PGAP6: variants seen among roughly 807,000 people sequenced by gnomAD.
The protein encoded by PGAP6 is post-GPI attachment to proteins factor 6.
PGAP6 carries 62 observed loss-of-function variants against 68.4 expected under a neutral mutation model. That is an observed-to-expected ratio of 0.91 (90% CI 0.74 to 1.12). PGAP6 has a LOEUF of 1.12. Among genes scored for constraint, PGAP6 ranks in the 50% most tolerant of loss-of-function variants. The probability of loss-of-function intolerance (pLI) is 0.00; values close to 1 mark genes in which losing one functional copy is unlikely to be tolerated. For synonymous variants in PGAP6, 575 were observed against 474.0 expected, an observed-to-expected ratio of 1.21 and a Z score of -2.77; for missense variants, 1,188 against 1,068.5, an observed-to-expected ratio of 1.11 and a Z score of -1.56.
chr16:379,730 T>C (rs2054422134), intron 1 of PGAP6, among the ~76,000 whole-genome samples: 1 of 152,148 alleles, frequency 6.6e-6, no homozygotes, highest in African/African-American at 2.4e-5. Context: ...AGAGATCTGT[T>C]CAAGGTTGTC....
chr16:376,040 G>T, intron 6 of PGAP6, 96 bp downstream of exon 6: 1 of 1,276,224 alleles, frequency 7.8e-7, no homozygotes, highest in Non-Finnish European at 1.1e-6. Context: ...TCACTGTGCC[G>T]CCTGTCCCGT....
chr16:381,614 C>G, intron 1 of PGAP6, 87 bp downstream of exon 1: 1 of 1,052,812 alleles, frequency 9.5e-7, no homozygotes, highest in South Asian at 4.5e-5. Flanking sequence ...GCCAGATGAG[C>G]GCACAGGTGC....
In PGAP6 at chr16:380,454, C is replaced by A. The variant is rs571938431; in HGVS notation, c.121+1247G>T. 1.3e-3 allele frequency among the ~76,000 whole-genome samples: 201 copies of A among 152,004 alleles called. 1 individual carries two copies. The highest frequency in any genetic ancestry group is 4.8e-3 in the African/African-American group (197 of 41,398). On this transcript the variant is annotated intron_variant, in intron 1 of 12. Coordinates refer to ENST00000431232, the MANE Select transcript of PGAP6 (RefSeq NM_021259.3). ...CGACTTCGGCTCACCGCAACCTCTG[C>A]CTCCCGGGTTCAAGCGATTCTCCTG...
chr16:377,998 C>T, intron 1 of PGAP6, 150 bp from the exon 2 acceptor site: 1 of 670,636 alleles, frequency 1.5e-6, no homozygotes. Flanking sequence ...GCAAAGGTCA[C>T]CGACACCCTC....
At chr16:374,651 GTC>G in intron 9 of PGAP6, 103 bp downstream of exon 9, 1 of 1,472,840 alleles carries the variant, frequency 6.8e-7, no homozygotes, top group Non-Finnish European at 9.2e-7. Context: ...CTCTGCAAGG[GTC>G]TCTCTCCAGC....
Position 371,980 on chromosome 16 carries a change from G to T in PGAP6, c.*7C>A, listed in dbSNP as rs367970385. The T allele has an allele frequency of 5.0e-6, 8 of 1,608,814 alleles. No homozygotes were observed. The highest frequency in any genetic ancestry group is 5.9e-6 in the Non-Finnish European group (7 of 1,177,458). Reference sequence around the variant, plus strand: ...TCATCAGAGCAGCAGCTGTCCCCAGGCCAGTGTCACGTCACTGCGTACAGT... The same window carrying T: ...TCATCAGAGCAGCAGCTGTCCCCAGTCCAGTGTCACGTCACTGCGTACAGT... On this transcript the variant is annotated 3_prime_UTR_variant, in exon 13 of 13. Transcript: ENST00000431232.
intron 1 of PGAP6, among the ~76,000 whole-genome samples, chr16:378,225 G>GCCATCGCCACCCAC (rs1567325694): frequency 1.5e-4 from 2 of 13,762 alleles, no homozygotes; most frequent in African/African-American, 2.0e-4. Context: ...TCGCCACCCT[G>GCCATCGCCACCCAC]ACTGCCATCG....
chr16:376,290 G>A lies in PGAP6; in HGVS notation c.1070C>T (p.Thr357Met), dbSNP rs754670088. ...SPFCLTNYPV[T>M]REDMDVVSVH... ...CGACACCACGTCCATGTCCTCCCGC[G>A]TGACTGGGTAGTTTGTGAGGCAGAA... The change falls in exon 6 of 13, where the codon ACG (threonine) becomes ATG (methionine). Residue 357 changes from threonine to methionine, a missense_variant. Transcript: ENST00000431232. 36 of 1,612,718 alleles carry A rather than the reference G, an allele frequency of 2.2e-5. No individual in the cohort carries two copies. The East Asian group carries it at 4.2e-4, about 19-fold the overall frequency.
Position 377,651 on chromosome 16 carries a change from G to A in PGAP6, c.299+20C>T, listed in dbSNP as rs1311530130. ...TGGCCAGGCGCGGGAGGGTGGGCAG[G>A]CGGGCGGGCAGCCACCTACACGGTG... On this transcript the variant is annotated intron_variant, in intron 2 of 12. Transcript: ENST00000431232. 1.3e-6 allele frequency: 2 copies of A among 1,572,712 alleles called. No homozygotes were observed. Among genetic ancestry groups the A allele is most frequent in the East Asian group, 2.4e-5 (1 of 42,514 alleles).
chr16:379,260 C>G lies in PGAP6; in HGVS notation c.122-1412G>C, dbSNP rs374202304. The stretch of plus-strand genomic sequence containing the variant: ...CCCAGGCCCCTCCTGAGGAGGGAGA[C>G]AGGTGAGCAGCAGGCTCTCCTGCCA... On this transcript the variant is annotated intron_variant, in intron 1 of 12. Transcript: ENST00000431232. Among the ~76,000 whole-genome samples the G allele has an allele frequency of 3.3e-5, 5 of 152,262 alleles. No individual in the cohort carries two copies. The East Asian group carries it at 9.7e-4, about 29-fold the overall frequency.
chr16:382,079 T>TG (rs1567327368), upstream of PGAP6: 16 of 257,408 alleles, frequency 6.2e-5, no homozygotes, highest in African/African-American at 4.2e-4. Flanking sequence ...AGGGGTCACG[T>TG]GGGGCGCCGG....
upstream of PGAP6, chr16:386,823 G>T (rs571361787): frequency 1.2e-5 from 8 of 682,158 alleles, no homozygotes; most frequent in Non-Finnish European, 2.1e-5. Flanking sequence ...CAAAGCGAAG[G>T]CTTTAAAGGC....
At chr16:385,726 G>A (rs1429185224), upstream of PGAP6, among the ~76,000 whole-genome samples, 14 of 142,982 alleles carry the variant, frequency 9.8e-5, no homozygotes, top group East Asian at 6.3e-4. Context: ...CCAGGTTCAC[G>A]CCATTCTCCT....
rs1253921425 is a variant in PGAP6 at position 376,766 on chromosome 16, C to A, written c.682G>T (p.Asp228Tyr). The A allele has an allele frequency of 6.2e-7, 1 of 1,610,718 alleles. No individual in the cohort carries two copies. Among genetic ancestry groups the A allele is most frequent in the Non-Finnish European group, 8.5e-7 (1 of 1,179,916 alleles). Residue 228 changes from aspartate to tyrosine, a missense_variant, in exon 5 of 13, where the codon GAC becomes TAC. Transcript: ENST00000431232. ...CCCAGGCTCCCATTGGACACGCAGT[C>A]CCGCAGCTCCAGCAGAAGCTCCCGC... The part of the protein sequence containing the change: ...YTRELLLELR[D>Y]CVSNGSLGCP...
Position 381,877 on chromosome 16 carries a change from C to A in PGAP6, c.-56G>T. On this transcript the variant is annotated 5_prime_UTR_variant, in exon 1 of 13. Coordinates refer to ENST00000431232, the MANE Select transcript of PGAP6 (RefSeq NM_021259.3). The stretch of plus-strand genomic sequence containing the variant: ...CCGCGTCCCGCGCCGCCGGCCCCCG[C>A]CGCCGCCCGGGCAGCCTCTGCCGCC... The A allele has an allele frequency of 1.0e-6, 1 of 976,278 alleles. No individual in the cohort carries two copies. The highest frequency in any genetic ancestry group is 1.2e-6 in the Non-Finnish European group (1 of 823,564). The allele number at this position is 976,278 out of a possible 1,614,324, so 60.5% of individuals were successfully genotyped here. A position where few individuals can be genotyped will look rare whatever the true frequency, so the allele number is the denominator to read the frequency against.
At chr16:379,427 C>T (rs1050161952) in intron 1 of PGAP6, among the ~76,000 whole-genome samples, 2 of 152,268 alleles carry the variant, frequency 1.3e-5, no homozygotes, top group Non-Finnish European at 2.9e-5. Flanking sequence ...ACGACGCACT[C>T]CAGGCTTTCC....
chr16:385,686 G>A (rs1306190288), upstream of PGAP6, among the ~76,000 whole-genome samples: 4 of 126,038 alleles, frequency 3.2e-5, no homozygotes, highest in Non-Finnish European at 4.8e-5. Context: ...GTGCAGTGGC[G>A]CGATCCTGGC....
chr16:373,013 C>T (rs2054348892), intron 11 of PGAP6, among the ~76,000 whole-genome samples: 1 of 152,194 alleles, frequency 6.6e-6, no homozygotes, highest in Non-Finnish European at 1.5e-5. Context: ...GCTCTGCACC[C>T]ACACACTCAC....
chr16:374,183 C>G lies in PGAP6; in HGVS notation c.1756-32G>C, dbSNP rs559392709. On this transcript the variant is annotated intron_variant, in intron 10 of 12. Coordinates refer to ENST00000431232, the MANE Select transcript of PGAP6 (RefSeq NM_021259.3). Reference sequence around the variant, plus strand: ...GGAGGCTCCATGAGCGCGGTCCTGCCCTCCCACCCCACATCCCTGCAGGAG... The same window carrying G: ...GGAGGCTCCATGAGCGCGGTCCTGCGCTCCCACCCCACATCCCTGCAGGAG... The G allele has an allele frequency of 1.9e-6, 3 of 1,610,426 alleles. No individual in the cohort carries two copies. The African/African-American group carries it at 4.0e-5, about 21-fold the overall frequency.
Sources: allele counts gnomAD v4.1 joint callset (sites outside exome capture counted in the v4.1 genomes callset), GRCh38; gene constraint gnomAD v4.1.1; transcripts MANE v1.5; gene names NCBI Gene and HGNC (gene_info 2026-07-23, HGNC 2026-07-21).